The following PIK3C2G variants were observed in gnomAD, a reference collection of about 807,000 sequenced individuals.
PIK3C2G encodes the protein phosphatidylinositol-4-phosphate 3-kinase catalytic subunit type 2 gamma, also known as phosphatidylinositol 3-kinase C2 domain-containing subunit gamma.
A neutral mutation model predicts 181.1 loss-of-function variants in PIK3C2G; 168 were observed. That is an observed-to-expected ratio of 0.93 (90% CI 0.82 to 1.05). PIK3C2G has a LOEUF of 1.05. Ranked by LOEUF, PIK3C2G falls within the 50% of genes least tolerant of loss-of-function variation. The pLI, the probability that PIK3C2G is intolerant of heterozygous loss-of-function variation, is 0.00. For missense variants in PIK3C2G, 1,869 were observed against 1,732.8 expected (o/e 1.08, Z -1.40); for synonymous variants, 573 against 592.2 (o/e 0.97, Z 0.47).
intron 32 of PIK3C2G, among the ~76,000 whole-genome samples, chr12:18,642,197 C>T (rs1219559845): frequency 1.3e-5 from 2 of 152,100 alleles, no homozygotes; most frequent in African/African-American, 4.8e-5. Context: ...CACTGAGTCT[C>T]AAAGATTTTC....
rs192088891 is a variant in PIK3C2G, at chr12:18,539,975, G to A, written c.3480+1663G>A. 5.1e-4 allele frequency among the ~76,000 whole-genome samples: 77 copies of A among 151,560 alleles called. 2 individuals carry two copies. The highest frequency in any genetic ancestry group is 4.6e-3 in the Admixed American group (70 of 15,148). On this transcript the variant is annotated intron_variant, in intron 25 of 32. Transcript: ENST00000538779. ...CGTTTTGCAAGTATGAGATGACTAC[G>A]GTTTATAATGTGTCTGTACCACAAA...
intron 11 of PIK3C2G, among the ~76,000 whole-genome samples, chr12:18,353,611 G>T (rs192614035): frequency 1.3e-5 from 2 of 152,254 alleles, no homozygotes; most frequent in African/African-American, 4.8e-5. Context: ...CCTCTTTCTT[G>T]TGTCCCCCCA....
intron 18 of PIK3C2G, among the ~76,000 whole-genome samples, chr12:18,447,826 T>A (rs973272756): frequency 3.3e-5 from 5 of 152,196 alleles, no homozygotes; most frequent in African/African-American, 1.2e-4. Flanking sequence ...CTGATAGCTA[T>A]TGAGTAATAT....
rs115450701 is a variant in PIK3C2G, at chr12:18,301,056, T to C, written c.1034+7041T>C. On this transcript the variant is annotated intron_variant, in intron 5 of 32. Transcript: ENST00000538779. ...TCTCATTCTTACATGGCCTGTAAAG[T>C]TTCTGCTGATAAATTTGCTGTTAGG... is the stretch of plus-strand genomic sequence containing the variant. Among the ~76,000 whole-genome samples the C allele has an allele frequency of 2.5e-3, 378 of 152,278 alleles. 1 individual carries two copies. Among genetic ancestry groups the C allele is most frequent in the African/African-American group, 8.7e-3 (361 of 41,564 alleles).
At chr12:18,320,615 G>A (rs1277139711) in intron 6 of PIK3C2G, among the ~76,000 whole-genome samples, 3 of 152,194 alleles carry the variant, frequency 2.0e-5, no homozygotes, top group African/African-American at 7.2e-5. Flanking sequence ...GGCACTCATG[G>A]CCTAAATGTG....
chr12:18,590,347 C>G (rs1413549314), intron 29 of PIK3C2G, among the ~76,000 whole-genome samples: 1 of 151,772 alleles, frequency 6.6e-6, no homozygotes, highest in Non-Finnish European at 1.5e-5. Flanking sequence ...ATGGGTTACC[C>G]AGGTAAATTT....
At chr12:18,250,509 G>A (rs1948085704) in intron 1 of PIK3C2G, among the ~76,000 whole-genome samples, 1 of 151,992 alleles carries the variant, frequency 6.6e-6, no homozygotes, top group Non-Finnish European at 1.5e-5. Flanking sequence ...CCAGAAGGTG[G>A]CGCTGTAGAA....
intron 23 of PIK3C2G, among the ~76,000 whole-genome samples, chr12:18,504,616 T>C (rs1941705085): frequency 6.6e-6 from 1 of 152,106 alleles, no homozygotes; most frequent in Non-Finnish European, 1.5e-5. Context: ...CACCACCAAG[T>C]TGATGAAATG....
chr12:18,304,620 T>TA (rs1314371651), intron 5 of PIK3C2G, among the ~76,000 whole-genome samples: 3 of 152,154 alleles, frequency 2.0e-5, no homozygotes, highest in African/African-American at 7.2e-5. Flanking sequence ...GTACTCAGAG[T>TA]AAAAATAAAA....
chr12:18,315,143 T>A (rs1950805704), intron 6 of PIK3C2G, among the ~76,000 whole-genome samples: 1 of 152,194 alleles, frequency 6.6e-6, no homozygotes, highest in Admixed American at 6.6e-5. Flanking sequence ...GTTTTCTTTT[T>A]TTTCTAGTAT....
At chr12:18,582,177 A>G (rs1946532588) in intron 29 of PIK3C2G, among the ~76,000 whole-genome samples, 1 of 152,176 alleles carries the variant, frequency 6.6e-6, no homozygotes, top group Non-Finnish European at 1.5e-5. Context: ...GGGCAAGGAA[A>G]TACAGCACCT....
chr12:18,677,382 T>C, the PIK3C2G span, among the ~76,000 whole-genome samples: 1 of 152,128 alleles, frequency 6.6e-6, no homozygotes, highest in East Asian at 1.9e-4. Context: ...CTAGTTGTTT[T>C]CAGTCCTGAC....
At chr12:18,615,303 T>C (rs865962633) in intron 31 of PIK3C2G, among the ~76,000 whole-genome samples, 38 of 151,552 alleles carry the variant, frequency 2.5e-4, no homozygotes, top group African/African-American at 9.0e-4. Context: ...TTATTTCATT[T>C]GTTTTTATGG....
intron 6 of PIK3C2G, among the ~76,000 whole-genome samples, chr12:18,319,335 A>T (rs1388558308): frequency 6.6e-6 from 1 of 152,170 alleles, no homozygotes; most frequent in African/African-American, 2.4e-5. Flanking sequence ...ATGAGAAAAA[A>T]AAATTTTAAC....
chr12:18,700,002 A>G, the PIK3C2G span: 6 of 1,530,134 alleles, frequency 3.9e-6, no homozygotes, highest in African/African-American at 1.4e-5. Context: ...ATTGGGAAAA[A>G]AAATTTTTTC....
chr12:18,399,525 G>A (rs895568520), intron 15 of PIK3C2G, 134 bp from the exon 16 acceptor site: 12 of 451,738 alleles, frequency 2.7e-5, no homozygotes, highest in Non-Finnish European at 4.7e-5. Context: ...TCCGAAGAAG[G>A]TAAAAGATGT....
At chr12:18,261,644 A>G (rs115261506) in intron 1 of PIK3C2G, 67 bp downstream of exon 1, 291 of 152,326 alleles carry the variant, frequency 1.9e-3, no homozygotes, top group African/African-American at 6.7e-3. Context: ...ACTCAAATAT[A>G]TTATTGAGGC....
At chr12:18,386,997 T>C (rs1943213164) in intron 14 of PIK3C2G, among the ~76,000 whole-genome samples, 1 of 152,202 alleles carries the variant, frequency 6.6e-6, no homozygotes, top group Admixed American at 6.5e-5. Context: ...GATATTCTAT[T>C]GGCAGCTTCA....
chr12:18,423,885 C>T, intron 17 of PIK3C2G, 60 bp from the exon 18 acceptor site: 2 of 991,460 alleles, frequency 2.0e-6, no homozygotes, highest in Non-Finnish European at 1.6e-6. Context: ...TCTGAAGTCC[C>T]TCTGTATTCT....
Sources: gnomAD v4.1 joint callset for allele counts (sites outside exome capture counted in the v4.1 genomes callset) on GRCh38, gnomAD v4.1.1 for gene constraint, MANE v1.5 for transcripts, NCBI Gene and HGNC (gene_info 2026-07-23, HGNC 2026-07-21) for gene names.